Variants in KIRREL3 observed in about 807,000 individuals in gnomAD.
KIRREL3 encodes kirre like nephrin family adhesion molecule 3.
Under a neutral mutation model 89.7 loss-of-function variants are expected in KIRREL3, and 36 were observed. The observed-to-expected ratio is 0.40, with a 90% CI of 0.31 to 0.53. The LOEUF (loss-of-function observed/expected upper bound fraction) is 0.53, where lower values mean the gene tolerates loss of function less well. Ranked by LOEUF, KIRREL3 falls within the 20% of genes least tolerant of loss-of-function variation. The probability of loss-of-function intolerance (pLI) is 0.49; values close to 1 mark genes in which losing one functional copy is unlikely to be tolerated. For synonymous variants in KIRREL3, 445 were observed against 441.4 expected (o/e 1.01, Z -0.10); for missense variants, 864 against 1,056.6 (o/e 0.82, Z 2.53).
In KIRREL3 at chr11:126,976,991, A is replaced by T. The variant is rs554243952; in HGVS notation, c.55+23464T>A. 6.6e-6 allele frequency among the ~76,000 whole-genome samples: 1 copy of T among 152,334 alleles called. No homozygotes were observed. Among genetic ancestry groups the T allele is most frequent in the Non-Finnish European group, 1.5e-5 (1 of 68,036 alleles). ...ACAGCACGATAGGAAAGAGAGTACC[A>T]AGAGAGTTAAGAAGAAGTTCTCTGT... On this transcript the variant is annotated intron_variant, in intron 1 of 16. Transcript: ENST00000525144. This position sits in a 1 kb window ranked among gnomAD's most constrained non-coding sequence, Gnocchi z 4.2.
chr11:126,532,723 T>A (rs1444959942), intron 2 of KIRREL3, among the ~76,000 whole-genome samples: 1 of 152,142 alleles, frequency 6.6e-6, no homozygotes, highest in South Asian at 2.1e-4. Context: ...AAAAGTGATT[T>A]CTTGGTTTTT....
rs1353843833 is a variant in KIRREL3 at position 126,703,160 on chromosome 11, G to C, written c.56-140248C>G. 6.6e-6 allele frequency among the ~76,000 whole-genome samples: 1 copy of C among 152,176 alleles called. No homozygotes were observed. The highest frequency in any genetic ancestry group is 1.5e-5 in the Non-Finnish European group (1 of 68,032). ...CAGGAGACACTGTAAAGAGCCAGTA[G>C]GCCTGGATTCCTTCCAGCCGTGCTG... On this transcript the variant is annotated intron_variant, in intron 1 of 16. Coordinates refer to ENST00000525144, the MANE Select transcript of KIRREL3 (RefSeq NM_032531.4). The surrounding 1 kb of genome is among the most constrained non-coding windows in gnomAD (Gnocchi z 4.6).
rs533607232 is a variant in KIRREL3 at position 126,950,228 on chromosome 11, C to A, written c.55+50227G>T. ...CTCTACTAAAAATACAAAAATTTAG[C>A]CAGGCATGGTGGCGAGCACTCCCAG... is the stretch of plus-strand genomic sequence containing the variant. On this transcript the variant is annotated intron_variant, in intron 1 of 16. Coordinates refer to ENST00000525144, the MANE Select transcript of KIRREL3 (RefSeq NM_032531.4). Among the ~76,000 whole-genome samples, 6 of 152,128 alleles carry A rather than the reference C, an allele frequency of 3.9e-5. No homozygotes were observed. The South Asian group carries it at 1.2e-3, about 32-fold the overall frequency.
At position 126,740,900 on chromosome 11, in the gene KIRREL3, C is replaced by A. The variant is rs752189290; in HGVS notation, c.56-177988G>T. On this transcript the variant is annotated intron_variant, in intron 1 of 16. Coordinates refer to ENST00000525144, the MANE Select transcript of KIRREL3 (RefSeq NM_032531.4). This position sits in a 1 kb window ranked among gnomAD's most constrained non-coding sequence, Gnocchi z 6.0. ...AGATATCCATTGTTCCATGAGAGTCCCCCATGGTAGAGTGAGTGACAAGGT... is the reference window on the plus strand; with the variant it reads ...AGATATCCATTGTTCCATGAGAGTCACCCATGGTAGAGTGAGTGACAAGGT... 7.2e-5 allele frequency among the ~76,000 whole-genome samples: 11 copies of A among 152,024 alleles called. No individual in the cohort carries two copies. The highest frequency in any genetic ancestry group is 1.5e-4 in the Non-Finnish European group (10 of 68,030).
At position 126,521,248 on chromosome 11, in the gene KIRREL3, A is replaced by G; in HGVS notation, c.433+67T>C. ...TCTCCCCATGTCTGACCAAAAAAAT[A>G]CCCTCTTGGAGCTGAGCCCTTGGTG... On this transcript the variant is annotated intron_variant, in intron 4 of 16. Transcript: ENST00000525144. This position sits in a 1 kb window ranked among gnomAD's most constrained non-coding sequence, Gnocchi z 4.1. 3 of 1,430,810 alleles carry G rather than the reference A, an allele frequency of 2.1e-6. No homozygotes were observed. Among genetic ancestry groups the G allele is most frequent in the Non-Finnish European group, 2.8e-6 (3 of 1,084,496 alleles). The allele number at this position is 1,430,810 out of a possible 1,614,324, so 88.6% of individuals were successfully genotyped here.
At chr11:126,841,396 A>C (rs1338780148) in intron 1 of KIRREL3, among the ~76,000 whole-genome samples, 3 of 152,182 alleles carry the variant, frequency 2.0e-5, no homozygotes, top group Non-Finnish European at 4.4e-5. Flanking sequence ...TCTTCTCCAC[A>C]TATCCCCAGC....
rs112507995 is a variant in KIRREL3, at chr11:126,531,927, C to T, written c.134-5240G>A. On this transcript the variant is annotated intron_variant, in intron 2 of 16. Transcript: ENST00000525144. This position sits in a 1 kb window ranked among gnomAD's most constrained non-coding sequence, Gnocchi z 4.7. ...GGTCTGCTGAGATCGGTGGTCACTACAGGAAAATTGCTTTTGCATTATGAA... is the reference window on the plus strand; with the variant it reads ...GGTCTGCTGAGATCGGTGGTCACTATAGGAAAATTGCTTTTGCATTATGAA... Among the ~76,000 whole-genome samples the T allele has an allele frequency of 8.1e-4, 124 of 152,224 alleles. No homozygotes were observed. Among genetic ancestry groups the T allele is most frequent in the African/African-American group, 2.9e-3 (119 of 41,530 alleles).
rs1036247112 is a variant in KIRREL3, at chr11:126,520,064, C to T, written c.433+1251G>A. Among the ~76,000 whole-genome samples the T allele has an allele frequency of 1.3e-5, 2 of 152,198 alleles. No individual in the cohort carries two copies. The highest frequency in any genetic ancestry group is 2.9e-5 in the Non-Finnish European group (2 of 68,042). ...CCCCCGCATCTCAAGAAGTCAAGCT[C>T]CGAGCTTGGTAAGTGGTCCTCCGGG... On this transcript the variant is annotated intron_variant, in intron 4 of 16. Transcript: ENST00000525144. This position sits in a 1 kb window ranked among gnomAD's most constrained non-coding sequence, Gnocchi z 4.9.
At chr11:126,950,090 A>T (rs1948733465) in intron 1 of KIRREL3, among the ~76,000 whole-genome samples, 1 of 152,200 alleles carries the variant, frequency 6.6e-6, no homozygotes, top group African/African-American at 2.4e-5. Flanking sequence ...ATATGCAAGG[A>T]TGGCCAGGCA....
rs985083852 is a variant in KIRREL3, at chr11:126,594,958, GC to G, written c.56-32047del. Among the ~76,000 whole-genome samples, 1 of 152,206 alleles carries G rather than the reference GC, an allele frequency of 6.6e-6. No homozygotes were observed. The highest frequency in any genetic ancestry group is 2.4e-5 in the African/African-American group (1 of 41,464). On this transcript the variant is annotated intron_variant, in intron 1 of 16. Transcript: ENST00000525144. The surrounding 1 kb of genome is among the most constrained non-coding windows in gnomAD (Gnocchi z 5.0). Reference sequence around the variant, plus strand: ...GAAAGTCACTTTGCAGCTGCCCTGGGCCCTCGGACCCTCAGGGGCCTTCTGG... The same window carrying G: ...GAAAGTCACTTTGCAGCTGCCCTGGGCCTCGGACCCTCAGGGGCCTTCTGG...
At chr11:126,974,659 C>T (rs113586229) in intron 1 of KIRREL3, among the ~76,000 whole-genome samples, 264 of 151,960 alleles carry the variant, frequency 1.7e-3, no homozygotes, top group South Asian at 4.4e-3. Flanking sequence ...TAGCCTGTTA[C>T]ACACCTAGGC....
At chr11:126,536,825 A>C (rs1937931617) in intron 2 of KIRREL3, among the ~76,000 whole-genome samples, 1 of 152,002 alleles carries the variant, frequency 6.6e-6, no homozygotes, top group South Asian at 2.1e-4. Flanking sequence ...TTGTATTTTT[A>C]GTAGAGACAG....
intron 1 of KIRREL3, among the ~76,000 whole-genome samples, chr11:126,827,369 G>A (rs1248602472): frequency 6.6e-6 from 1 of 151,942 alleles, no homozygotes. Flanking sequence ...GTAGAGATGG[G>A]GTTTCACCAT....
Position 126,642,481 on chromosome 11 carries a change from T to G in KIRREL3, c.56-79569A>C, listed in dbSNP as rs1007539570. Among the ~76,000 whole-genome samples the G allele has an allele frequency of 6.6e-6, 1 of 152,242 alleles. No individual in the cohort carries two copies. Among genetic ancestry groups the G allele is most frequent in the Non-Finnish European group, 1.5e-5 (1 of 68,040 alleles). On this transcript the variant is annotated intron_variant, in intron 1 of 16. Coordinates refer to ENST00000525144, the MANE Select transcript of KIRREL3 (RefSeq NM_032531.4). This position sits in a 1 kb window ranked among gnomAD's most constrained non-coding sequence, Gnocchi z 4.9. ...CCCAAGCTAGACTCACTAGAAATGT[T>G]AACTCTGCCCTGCACTTTCCATTCC...
At chr11:126,770,969 G>A (rs1299695085) in intron 1 of KIRREL3, among the ~76,000 whole-genome samples, 1 of 152,146 alleles carries the variant, frequency 6.6e-6, no homozygotes, top group Non-Finnish European at 1.5e-5. Flanking sequence ...CCGAGTAGCT[G>A]GGATTACAGG....
rs921431264 is a variant in KIRREL3, at chr11:126,912,811, G to A, written c.55+87644C>T. On this transcript the variant is annotated intron_variant, in intron 1 of 16. Transcript: ENST00000525144. This position sits in a 1 kb window ranked among gnomAD's most constrained non-coding sequence, Gnocchi z 4.7. ...GAAGTATAGCGAAGAGGAACTTGGC[G>A]TGATAATGGAACCTAGTGATGAAAT... Among the ~76,000 whole-genome samples, 4 of 152,332 alleles carry A rather than the reference G, an allele frequency of 2.6e-5. No homozygotes were observed. The highest frequency in any genetic ancestry group is 6.5e-5 in the Admixed American group (1 of 15,294).
At chr11:126,823,957 G>A (rs1342798395) in intron 1 of KIRREL3, among the ~76,000 whole-genome samples, 3 of 152,174 alleles carry the variant, frequency 2.0e-5, no homozygotes, top group Non-Finnish European at 4.4e-5. Flanking sequence ...GGAGCTACCT[G>A]TAGATTGTTC....
At chr11:126,698,470 A>T (rs575638712) in intron 1 of KIRREL3, among the ~76,000 whole-genome samples, 9 of 152,350 alleles carry the variant, frequency 5.9e-5, no homozygotes, top group African/African-American at 1.9e-4. Context: ...GGCTTGTCTT[A>T]GTAGGTCAGC....
chr11:126,820,312 T>TA (rs5795524), intron 1 of KIRREL3, among the ~76,000 whole-genome samples: 116,360 of 149,354 alleles, frequency 0.78, 45,239 homozygotes, highest in East Asian at 1. Context: ...AGCAAGCCTT[T>TA]AAAAAAAAAG....
Sources: gnomAD v4.1 joint callset for allele counts (sites outside exome capture counted in the v4.1 genomes callset) on GRCh38, gnomAD v4.1.1 for gene constraint, Gnocchi (gnomAD v3.1) non-coding constraint, MANE v1.5 for transcripts, NCBI Gene and HGNC (gene_info 2026-07-23, HGNC 2026-07-21) for gene names.